RBMS3: variants seen among roughly 807,000 people sequenced by gnomAD.
The protein encoded by RBMS3 is RNA binding motif single stranded interacting protein 3, also known as RNA-binding motif, single-stranded-interacting protein 3.
RBMS3 carries 27 observed loss-of-function variants against 66.8 expected under a neutral mutation model. The ratio of observed to expected loss-of-function variants is 0.40; its 90% CI spans 0.30 to 0.56. RBMS3 has a LOEUF of 0.56. RBMS3 is among the 20% of genes least tolerant of loss of function. The probability of loss-of-function intolerance (pLI) is 0.40; values close to 1 mark genes in which losing one functional copy is unlikely to be tolerated. For missense variants in RBMS3, 513 were observed against 549.5 expected (o/e 0.93, Z 0.66); for synonymous variants, 188 against 183.0 (o/e 1.03, Z -0.22).
chr3:29,636,494 TG>T (rs1250302290), intron 4 of RBMS3, among the ~76,000 whole-genome samples: 1 of 151,646 alleles, frequency 6.6e-6, no homozygotes, highest in Non-Finnish European at 1.5e-5. Flanking sequence ...GAGGGGAGGG[TG>T]GAAGGCTGGT....
In RBMS3 at chr3:29,728,694, TTCTCTTTGGAAAGCC is replaced by T. The variant is rs563855778; in HGVS notation, c.400-11012_400-10998del. On this transcript the variant is annotated intron_variant, in intron 4 of 14. Transcript: ENST00000383767. The stretch of plus-strand genomic sequence containing the variant: ...AGTTTACCAAAAGTTGTGCAGCCTG[TTCTCTTTGGAAAGCC>T]TCTCTTTGGAAAGACTAGGATGAAA... Among the ~76,000 whole-genome samples, 809 of 152,314 alleles carry T rather than the reference TTCTCTTTGGAAAGCC, an allele frequency of 5.3e-3. 1 individual carries two copies. Among genetic ancestry groups the T allele is most frequent in the Non-Finnish European group, 9.1e-3 (619 of 68,026 alleles).
chr3:29,959,774 G>T (rs1696297231), intron 12 of RBMS3, among the ~76,000 whole-genome samples: 1 of 152,022 alleles, frequency 6.6e-6, no homozygotes, highest in Non-Finnish European at 1.5e-5. Context: ...AAGGAGAAGT[G>T]CCAAGCAAAG....
chr3:29,478,134 C>G (rs1344314323), intron 2 of RBMS3, among the ~76,000 whole-genome samples: 1 of 152,152 alleles, frequency 6.6e-6, no homozygotes, highest in African/African-American at 2.4e-5. Flanking sequence ...GAGCTACCAC[C>G]TCATTAGCAA....
chr3:29,626,719 T>G (rs2049075042), intron 4 of RBMS3, among the ~76,000 whole-genome samples: 1 of 150,230 alleles, frequency 6.7e-6, no homozygotes, highest in African/African-American at 2.4e-5. Context: ...TAAATGCCAA[T>G]GTTTAATAAA....
At chr3:29,887,968 A>C (rs1444103986) in intron 8 of RBMS3, among the ~76,000 whole-genome samples, 2 of 151,786 alleles carry the variant, frequency 1.3e-5, no homozygotes, top group Non-Finnish European at 2.9e-5. Context: ...TGCAATTTTC[A>C]AGGCAGTGAG....
intron 12 of RBMS3, among the ~76,000 whole-genome samples, chr3:29,976,833 T>C (rs1697620724): frequency 6.9e-6 from 1 of 145,798 alleles, no homozygotes; most frequent in Non-Finnish European, 1.5e-5. Context: ...AATCTAAAAA[T>C]GTGACCCTCA....
At chr3:29,567,385 T>A (rs1234295524) in intron 3 of RBMS3, among the ~76,000 whole-genome samples, 2 of 152,202 alleles carry the variant, frequency 1.3e-5, no homozygotes, top group Non-Finnish European at 2.9e-5. Context: ...GAAAAGGGTT[T>A]TCAACCTACC....
chr3:29,413,797 A>G (rs926255480), intron 1 of RBMS3, among the ~76,000 whole-genome samples: 2 of 152,040 alleles, frequency 1.3e-5, no homozygotes, highest in African/African-American at 4.8e-5. Flanking sequence ...AAAATGTTGT[A>G]TCAAAGTTAT....
chr3:29,468,025 T>G (rs940212994), intron 2 of RBMS3, among the ~76,000 whole-genome samples: 1 of 152,174 alleles, frequency 6.6e-6, no homozygotes, highest in African/African-American at 2.4e-5. Flanking sequence ...TACAGTTTAA[T>G]CTTTCAAGGA....
chr3:29,701,024 T>C (rs1170422294), intron 4 of RBMS3, among the ~76,000 whole-genome samples: 1 of 152,168 alleles, frequency 6.6e-6, no homozygotes, highest in Non-Finnish European at 1.5e-5. Context: ...AATGAAGAAC[T>C]GTTTAAAAGT....
chr3:29,473,851 C>A (rs34744897), intron 2 of RBMS3, among the ~76,000 whole-genome samples: 7 of 152,204 alleles, frequency 4.6e-5, no homozygotes, highest in African/African-American at 1.2e-4. Flanking sequence ...CCGCAAGCGC[C>A]GCGCGCAGCC....
At chr3:29,699,266 C>T (rs1472195548) in intron 4 of RBMS3, among the ~76,000 whole-genome samples, 4 of 152,240 alleles carry the variant, frequency 2.6e-5, no homozygotes, top group South Asian at 2.1e-4. Flanking sequence ...TCTCCTGCCT[C>T]GGTCTCCGAA....
In RBMS3 at chr3:29,979,138, AAAAG is replaced by A. The variant is rs748624303; in HGVS notation, c.1099-9001_1099-8998del. Among the ~76,000 whole-genome samples the A allele has an allele frequency of 1.2e-4, 18 of 152,108 alleles. No homozygotes were observed. The South Asian group carries it at 2.1e-3, about 18-fold the overall frequency. On this transcript the variant is annotated intron_variant, in intron 12 of 14. Transcript: ENST00000383767. ...CATGAGCAAGACTGCCTCTAAAACA[AAAAG>A]AAACGAGAAGGAAAGAAACAACAAC...
At chr3:29,611,068 G>A (rs962598281) in intron 4 of RBMS3, among the ~76,000 whole-genome samples, 1 of 151,948 alleles carries the variant, frequency 6.6e-6, no homozygotes, top group African/African-American at 2.4e-5. Flanking sequence ...GATATGCCAA[G>A]CCAAACATGA....
intron 1 of RBMS3, among the ~76,000 whole-genome samples, chr3:29,284,889 A>C (rs1295146645): frequency 1.4e-5 from 2 of 144,236 alleles, no homozygotes; most frequent in East Asian, 4.0e-4. Flanking sequence ...TTTTTACCAA[A>C]AGAAGCAATT....
At chr3:29,495,457 G>C (rs1192614148) in intron 3 of RBMS3, among the ~76,000 whole-genome samples, 1 of 102,350 alleles carries the variant, frequency 9.8e-6, no homozygotes, top group Non-Finnish European at 1.9e-5. Context: ...GTCTTCTTCT[G>C]TCACCCAGGC....
At chr3:29,311,357 C>T (rs1349687757) in intron 1 of RBMS3, among the ~76,000 whole-genome samples, 1 of 151,714 alleles carries the variant, frequency 6.6e-6, no homozygotes, top group Admixed American at 6.6e-5. Context: ...TACACTGCTT[C>T]ACGCTCTATA....
At chr3:29,506,324 T>C (rs1457349828) in intron 3 of RBMS3, among the ~76,000 whole-genome samples, 2 of 152,158 alleles carry the variant, frequency 1.3e-5, no homozygotes, top group Admixed American at 1.3e-4. Context: ...TTTCTGCAAC[T>C]ATTGAGATTA....
intron 4 of RBMS3, among the ~76,000 whole-genome samples, chr3:29,702,983 C>T (rs2052698339): frequency 6.6e-6 from 1 of 152,218 alleles, no homozygotes; most frequent in Non-Finnish European, 1.5e-5. Flanking sequence ...TGATGACTAA[C>T]TTTCGTTAAG....
Sources: gnomAD v4.1 joint callset for allele counts (sites outside exome capture counted in the v4.1 genomes callset) on GRCh38, gnomAD v4.1.1 for gene constraint, MANE v1.5 for transcripts, NCBI Gene and HGNC (gene_info 2026-07-23, HGNC 2026-07-21) for gene names.